Variants in AKR1C3 observed in about 807,000 individuals in gnomAD.
AKR1C3 encodes the protein 3-alpha hydroxysteroid dehydrogenase, type II.
Under a neutral mutation model 43.6 loss-of-function variants are expected in AKR1C3, and 48 were observed. The observed-to-expected ratio is 1.10, with a 90% CI of 0.87 to 1.40. The LOEUF is 1.40. Ranked by LOEUF, AKR1C3 falls within the 40% of genes most tolerant of loss-of-function variation. The pLI, the probability that AKR1C3 is intolerant of heterozygous loss-of-function variation, is 0.00. For missense variants in AKR1C3, 482 were observed against 391.2 expected (o/e 1.23, Z -1.96); for synonymous variants, 162 against 139.6 (o/e 1.16, Z -1.13).
intron 1 of AKR1C3, among the ~76,000 whole-genome samples, chr10:5,062,042 T>C (rs1339771736): frequency 6.6e-6 from 1 of 152,238 alleles, no homozygotes; most frequent in Non-Finnish European, 1.5e-5. Context: ...CAAAGACATG[T>C]AATTCTTTCA....
At chr10:5,055,052 C>T (rs1249429152) in intron 1 of AKR1C3, among the ~76,000 whole-genome samples, 1 of 152,238 alleles carries the variant, frequency 6.6e-6, no homozygotes, top group Non-Finnish European at 1.5e-5. Flanking sequence ...TATCTGTATA[C>T]ACATTTATTC....
chr10:5,097,875 G>A, intron 3 of AKR1C3: 2 of 1,127,144 alleles, frequency 1.8e-6, no homozygotes, highest in African/African-American at 1.7e-5. Flanking sequence ...AGAGTTTCAT[G>A]CAGTTGTGGT....
At chr10:5,077,436 T>C (rs1838738621) in intron 1 of AKR1C3, among the ~76,000 whole-genome samples, 1 of 152,208 alleles carries the variant, frequency 6.6e-6, no homozygotes, top group Non-Finnish European at 1.5e-5. Context: ...AATGATGTTC[T>C]TGTGGGAAAC....
chr10:5,062,454 T>C (rs1225891979), intron 1 of AKR1C3, among the ~76,000 whole-genome samples: 2 of 152,174 alleles, frequency 1.3e-5, no homozygotes, highest in African/African-American at 4.8e-5. Flanking sequence ...GTAGCTGAGC[T>C]TTTCCCTCCA....
At chr10:5,104,871 TAGAAATGTTA>T (rs1839459404) in intron 7 of AKR1C3, among the ~76,000 whole-genome samples, 1 of 152,176 alleles carries the variant, frequency 6.6e-6, no homozygotes, top group Non-Finnish European at 1.5e-5. Context: ...TTCTAATGTG[TAGAAATGTTA>T]AAAGAAAAAT....
At chr10:5,106,876 G>C (rs1259181693) in intron 8 of AKR1C3, among the ~76,000 whole-genome samples, 1 of 151,418 alleles carries the variant, frequency 6.6e-6, no homozygotes, top group Non-Finnish European at 1.5e-5. Context: ...AAAATTGGTA[G>C]ATATCATTGT....
intron 1 of AKR1C3, among the ~76,000 whole-genome samples, chr10:5,059,569 C>A (rs782458027): frequency 1.4e-4 from 21 of 152,162 alleles, no homozygotes; most frequent in Non-Finnish European, 1.3e-4. Flanking sequence ...TCCGAAGAGT[C>A]GGGGGTTGTT....
At position 5,097,980 on chromosome 10, in the gene AKR1C3, T is replaced by A. The variant is rs1029345608; in HGVS notation, c.369+430T>A. The A allele has an allele frequency of 2.9e-5, 30 of 1,029,914 alleles. No individual in the cohort carries two copies. In the Admixed American group the frequency reaches 5.5e-4, roughly 19 times the overall value. The allele number at this position is 1,029,914 out of a possible 1,614,324, so 63.8% of individuals were successfully genotyped here. On this transcript the variant is annotated intron_variant, in intron 3 of 8. Transcript: ENST00000380554. ...CAGATTTGGTGGAAGCCACTATGCATGGTTCTTAAATTAGAAACCCTTAAT... is the reference window on the plus strand; with the variant it reads ...CAGATTTGGTGGAAGCCACTATGCAAGGTTCTTAAATTAGAAACCCTTAAT...
At chr10:5,086,071 T>G (rs535084806) in intron 1 of AKR1C3, among the ~76,000 whole-genome samples, 51 of 151,918 alleles carry the variant, frequency 3.4e-4, no homozygotes, top group Admixed American at 8.5e-4. Flanking sequence ...GTGTCTCTAT[T>G]TCCTTCAGTT....
chr10:5,094,646 G>T (rs771453326), intron 1 of AKR1C3, 118 bp downstream of exon 1: 4 of 1,123,754 alleles, frequency 3.6e-6, no homozygotes, highest in Non-Finnish European at 5.2e-6. Flanking sequence ...CACTGGTCTA[G>T]GTTTCCTAGG....
chr10:5,060,653 G>A (rs1554780118), intron 1 of AKR1C3, among the ~76,000 whole-genome samples: 1 of 152,242 alleles, frequency 6.6e-6, no homozygotes, highest in East Asian at 1.9e-4. Context: ...GGGGCTGCAG[G>A]TGGAGCTGCC....
At position 5,107,164 on chromosome 10, in the gene AKR1C3, CAAAAG is replaced by C. The variant is rs587628149; in HGVS notation, c.930-293_930-289del. On this transcript the variant is annotated intron_variant, in intron 8 of 8. Transcript: ENST00000380554. ...CAGTAGCAGGTAATAAGTAAAGTAA[CAAAAG>C]AAAGTATAATCAGAGTATCTCTGCT... is the stretch of plus-strand genomic sequence containing the variant. 1.6e-4 allele frequency among the ~76,000 whole-genome samples: 25 copies of C among 152,160 alleles called. No individual in the cohort carries two copies. In the South Asian group the frequency reaches 4.4e-3, roughly 27 times the overall value.
At chr10:5,076,396 TTCTC>T (rs1370995555) in intron 1 of AKR1C3, among the ~76,000 whole-genome samples, 2 of 137,322 alleles carry the variant, frequency 1.5e-5, no homozygotes, top group Non-Finnish European at 1.6e-5. Context: ...GTTGAGTTTG[TTCTC>T]TCTGTCTCTC....
intron 2 of AKR1C3, 60 bp downstream of exon 2, chr10:5,096,637 C>G (rs1464295332): frequency 6.5e-7 from 1 of 1,539,974 alleles, no homozygotes; most frequent in African/African-American, 1.4e-5. Context: ...GTGGAGATGA[C>G]AATTCTATGA....
rs184215424 is a variant in AKR1C3 at position 5,104,263 on chromosome 10, G to A, written c.847-1332G>A. ...TTATAAATTAGTTGTAAATTCAAAT[G>A]AATTTCTTTTTCAATACTAAGTAAA... On this transcript the variant is annotated intron_variant, in intron 7 of 8. Transcript: ENST00000380554. Among the ~76,000 whole-genome samples the A allele has an allele frequency of 2.0e-5, 3 of 152,128 alleles. No homozygotes were observed. The East Asian group carries it at 5.8e-4, about 29-fold the overall frequency.
intron 7 of AKR1C3, among the ~76,000 whole-genome samples, chr10:5,104,609 G>C (rs1221616025): frequency 1.3e-5 from 2 of 152,084 alleles, no homozygotes; most frequent in Non-Finnish European, 2.9e-5. Context: ...CAACATCCAT[G>C]AAAGAGTACA....
upstream of AKR1C3, among the ~76,000 whole-genome samples, chr10:5,090,595 C>A (rs1554784016): frequency 6.6e-6 from 1 of 152,140 alleles, no homozygotes; most frequent in Admixed American, 6.6e-5. Context: ...AATGCTGCTT[C>A]TTCATGGAGA....
chr10:5,064,616 C>T (rs782019518), intron 1 of AKR1C3, among the ~76,000 whole-genome samples: 4 of 152,030 alleles, frequency 2.6e-5, no homozygotes, highest in Non-Finnish European at 5.9e-5. Context: ...GAAGAAAATG[C>T]CCACACACTA....
intron 1 of AKR1C3, among the ~76,000 whole-genome samples, chr10:5,082,969 A>G (rs74896629): frequency 0.087 from 13,285 of 152,230 alleles, 690 homozygotes; most frequent in East Asian, 0.14. Context: ...TGATTTAATT[A>G]CAGAGTATTT....
Sources: gnomAD v4.1 joint callset for allele counts (sites outside exome capture counted in the v4.1 genomes callset) on GRCh38, gnomAD v4.1.1 for gene constraint, MANE v1.5 for transcripts, NCBI Gene and HGNC (gene_info 2026-07-23, HGNC 2026-07-21) for gene names.